PNLDC1: variants seen among roughly 807,000 people sequenced by gnomAD.
PNLDC1 encodes the protein PARN like ribonuclease domain containing exonuclease 1.
PNLDC1 carries 70 observed loss-of-function variants against 82.0 expected under a neutral mutation model. The ratio of observed to expected loss-of-function variants is 0.85; its 90% CI spans 0.70 to 1.04. The LOEUF is 1.04. PNLDC1 is among the 50% of genes least tolerant of loss of function. The probability of loss-of-function intolerance (pLI) is 0.00; values close to 1 mark genes in which losing one functional copy is unlikely to be tolerated. For missense variants in PNLDC1, 631 were observed against 661.1 expected, an observed-to-expected ratio of 0.95 and a Z score of 0.50; for synonymous variants, 280 against 249.3, an observed-to-expected ratio of 1.12 and a Z score of -1.16.
intron 15 of PNLDC1, 115 bp from the exon 16 acceptor site, chr6:159,818,439 AG>A: frequency 1.1e-6 from 1 of 880,606 alleles, no homozygotes; most frequent in South Asian, 1.5e-5. Flanking sequence ...GGCAGGAGGG[AG>A]GGAGAGCCGT....
rs763271767 is a variant in PNLDC1, at chr6:159,819,275, G to C, written c.1455G>C (p.Glu485Asp). ...GCAGTGCGCGGAACATCCTGAAGGAGTACCGGGACCACCCGACCCTGTGCA... is the reference window on the plus strand; with the variant it reads ...GCAGTGCGCGGAACATCCTGAAGGACTACCGGGACCACCCGACCCTGTGCA... ...KFKDARNILKEYRDHPTLCIS... is the reference protein window; with the variant it reads ...KFKDARNILKDYRDHPTLCIS... The change falls in exon 18 of 19, where the codon GAG becomes GAC. Residue 485 changes from glutamate to aspartate, a missense_variant. Transcript: ENST00000392167. This position sits in a 1 kb window ranked among gnomAD's most constrained non-coding sequence, Gnocchi z 4.6. The C allele has an allele frequency of 6.2e-7, 1 of 1,613,972 alleles. No homozygotes were observed.
Position 159,809,116 on chromosome 6 carries a change from G to T in PNLDC1, c.741G>T (p.Arg247Ser), listed in dbSNP as rs777438960. Residue 247 changes from arginine (R) to serine (S), a missense_variant, in exon 9 of 19, where the codon AGG becomes AGT. Coordinates refer to ENST00000392167, the MANE Select transcript of PNLDC1 (RefSeq NM_001271862.2). ...CWKENILLSA[R>S]GFSVFFQMLV... ...AGGAAAATATTCTTCTCTCAGCAAGGGGTTTTTCTGTCTTTTTCCAAATGC... is the reference window on the plus strand; with the variant it reads ...AGGAAAATATTCTTCTCTCAGCAAGTGGTTTTTCTGTCTTTTTCCAAATGC... The T allele has an allele frequency of 6.8e-6, 11 of 1,614,096 alleles. No homozygotes were observed. Among genetic ancestry groups the T allele is most frequent in the Non-Finnish European group, 9.3e-6 (11 of 1,180,016 alleles).
rs1781802229 is a variant in PNLDC1, at chr6:159,816,024, G to A, written c.1051G>A (p.Glu351Lys). 2 of 1,611,324 alleles carry A rather than the reference G, an allele frequency of 1.2e-6. No homozygotes were observed. Among genetic ancestry groups the A allele is most frequent in the African/African-American group, 1.3e-5 (1 of 74,264 alleles). ...AGAGATTGTTCACGCGAGCAGGTGT[G>A]AGAAATATGGTACGTTCCCATGAGC... ...GPEIVHASRCEKYVETKCPHE... is the reference protein window; with the variant it reads ...GPEIVHASRCKKYVETKCPHE... Residue 351 changes from glutamate to lysine, a missense_variant, in exon 13 of 19, where the codon GAG (glutamate) becomes AAG (lysine). Physicochemically the swap from Glu to Lys is moderately conservative, Grantham distance 56. Transcript: ENST00000392167.
rs982271872 is a variant in PNLDC1 at position 159,819,981 on chromosome 6, G to A, written c.1533-473G>A. ...TATAACCCGACTCAGGTTGTCTTCCGTGTTGGGGTAGACTGTGGAGGCGAG... is the reference window on the plus strand; with the variant it reads ...TATAACCCGACTCAGGTTGTCTTCCATGTTGGGGTAGACTGTGGAGGCGAG... On this transcript the variant is annotated intron_variant, in intron 18 of 18. Transcript: ENST00000392167. The surrounding 1 kb of genome is among the most constrained non-coding windows in gnomAD (Gnocchi z 4.6). 6.6e-6 allele frequency among the ~76,000 whole-genome samples: 1 copy of A among 152,182 alleles called. No homozygotes were observed. Among genetic ancestry groups the A allele is most frequent in the Non-Finnish European group, 1.5e-5 (1 of 68,026 alleles).
chr6:159,813,233 G>C (rs1781701007), intron 11 of PNLDC1, among the ~76,000 whole-genome samples: 1 of 152,162 alleles, frequency 6.6e-6, no homozygotes, highest in Non-Finnish European at 1.5e-5. Flanking sequence ...TTAGTAACCA[G>C]GCATTGCCCC....
chr6:159,807,823 G>GT, intron 7 of PNLDC1, among the ~76,000 whole-genome samples: 1 of 152,234 alleles, frequency 6.6e-6, no homozygotes, highest in East Asian at 1.9e-4. Flanking sequence ...GTTGAGTTTG[G>GT]TACAGTTTTA....
chr6:159,800,648 A>G lies in PNLDC1; in HGVS notation c.77-124A>G, dbSNP rs552658967. ...TTGGTTCCTCCATTTTCCCTTCCTG[A>G]CCTCACTTGGCTTCTTGAGCGCAGA... is the stretch of plus-strand genomic sequence containing the variant. On this transcript the variant is annotated intron_variant, in intron 1 of 18. Coordinates refer to ENST00000392167, the MANE Select transcript of PNLDC1 (RefSeq NM_001271862.2). 8.2e-6 allele frequency: 13 copies of G among 1,584,728 alleles called. 1 individual carries two copies. Among genetic ancestry groups the G allele is most frequent in the Non-Finnish European group, 1.1e-5 (13 of 1,163,342 alleles).
chr6:159,809,483 G>A (rs1426823509), intron 9 of PNLDC1, among the ~76,000 whole-genome samples: 2 of 147,298 alleles, frequency 1.4e-5, no homozygotes, highest in Admixed American at 6.8e-5. Context: ...TGGTAGAGAC[G>A]GGATCTCGCA....
chr6:159,811,329 A>AT (rs1232729456), intron 10 of PNLDC1, among the ~76,000 whole-genome samples: 3 of 151,702 alleles, frequency 2.0e-5, no homozygotes, highest in African/African-American at 4.8e-5. Flanking sequence ...ATAATTTTTG[A>AT]TTTTTTTTCT....
At chr6:159,813,881 G>GA (rs1463763107) in intron 12 of PNLDC1, among the ~76,000 whole-genome samples, 1 of 152,086 alleles carries the variant, frequency 6.6e-6, no homozygotes. Context: ...CTCAACCCCT[G>GA]CCCCTCAAAC....
At position 159,820,546 on chromosome 6, in the gene PNLDC1, C is replaced by T. The variant is rs202074017; in HGVS notation, c.*29C>T. ...CAGCGAGGCCTCCTGCGGCCACCCT[C>T]GGGTCCCCATGCTCTCTGGGAGGTG... On this transcript the variant is annotated 3_prime_UTR_variant, in exon 19 of 19. Coordinates refer to ENST00000392167, the MANE Select transcript of PNLDC1 (RefSeq NM_001271862.2). 409 of 1,608,490 alleles carry T rather than the reference C, an allele frequency of 2.5e-4. 1 individual carries two copies. The highest frequency in any genetic ancestry group is 2.6e-4 in the Non-Finnish European group (301 of 1,175,158).
intron 11 of PNLDC1, among the ~76,000 whole-genome samples, chr6:159,812,881 G>C (rs1006910338): frequency 6.6e-6 from 1 of 152,112 alleles, no homozygotes; most frequent in Admixed American, 6.6e-5. Context: ...AAATTACCTG[G>C]GCATGTTGGT....
intron 7 of PNLDC1, among the ~76,000 whole-genome samples, chr6:159,806,524 A>G (rs1185060182): frequency 1.3e-5 from 2 of 152,176 alleles, no homozygotes; most frequent in South Asian, 2.1e-4. Context: ...CGGTTTTCCA[A>G]GTATCCCTCA....
At position 159,816,699 on chromosome 6, in the gene PNLDC1, C is replaced by T. The variant is rs1173922335; in HGVS notation, c.1114+103C>T. 4 of 1,031,970 alleles carry T rather than the reference C, an allele frequency of 3.9e-6. No homozygotes were observed. The African/African-American group carries it at 6.3e-5, about 16-fold the overall frequency. 63.9% of individuals were successfully genotyped at this position (1,031,970 alleles called of 1,614,324 possible). A position where few individuals can be genotyped will look rare whatever the true frequency, so the allele number is the denominator to read the frequency against. ...CAGGCTAGAGTACAGTGGTGAGGAT[C>T]TCGGCTCACTGCAGCCTCTACCTCC... On this transcript the variant is annotated intron_variant, in intron 14 of 18. Coordinates refer to ENST00000392167, the MANE Select transcript of PNLDC1 (RefSeq NM_001271862.2).
In PNLDC1 at chr6:159,819,219, C is replaced by CT; in HGVS notation, c.1434-34dup. 6.2e-7 allele frequency: 1 copy of CT among 1,612,532 alleles called. No individual in the cohort carries two copies. ...GATCACAGCAGGCGGCGCCATCCTG[C>CT]TGCCTGGCTGACCACAGCAAACTTG... On this transcript the variant is annotated intron_variant, in intron 17 of 18. Transcript: ENST00000392167. The surrounding 1 kb of genome is among the most constrained non-coding windows in gnomAD (Gnocchi z 4.6).
chr6:159,806,043 G>T lies in PNLDC1; in HGVS notation c.522G>T (p.Leu174=). Residue 174 remains leucine (L), a synonymous_variant, in exon 7 of 19, where the codon CTG becomes CTT. Transcript: ENST00000392167. ...VIDEVTRWLE[L]AKEGDWMTLP... is the part of the protein sequence containing the mutation. ...ACGAAGTGACGCGGTGGCTGGAGCT[G>T]GCCAAGGAAGGCGACTGGATGACTC... 1.2e-6 allele frequency: 2 copies of T among 1,614,160 alleles called. No homozygotes were observed. Among genetic ancestry groups the T allele is most frequent in the Non-Finnish European group, 1.7e-6 (2 of 1,180,046 alleles).
chr6:159,810,045 T>C lies in PNLDC1; in HGVS notation c.803T>C (p.Met268Thr), dbSNP rs763884238. Residue 268 changes from methionine (M) to threonine (T), a missense_variant, in exon 10 of 19, where the codon ATG becomes ACG. Physicochemically the swap from Met to Thr is moderately conservative, Grantham distance 81. Transcript: ENST00000392167. Reference sequence around the variant, plus strand: ...AAGTAGCCCTTAGTGGGACATAATATGATGATGGACCTGCTGCACCTCCAT... The same window carrying C: ...AAGTAGCCCTTAGTGGGACATAATACGATGATGGACCTGCTGCACCTCCAT... Reference protein sequence around the residue: ...KAQKPLVGHNMMMDLLHLHEK... With the variant: ...KAQKPLVGHNTMMDLLHLHEK... The C allele has an allele frequency of 3.1e-6, 5 of 1,614,146 alleles. No homozygotes were observed. Among genetic ancestry groups the C allele is most frequent in the Middle Eastern group, 1.7e-4 (1 of 6,052 alleles).
At chr6:159,805,516 C>T (rs919485278) in intron 6 of PNLDC1, 5 of 153,002 alleles carry the variant, frequency 3.3e-5, no homozygotes, top group African/African-American at 9.7e-5. Flanking sequence ...GAATTTTTAA[C>T]CTTCTTTCAT....
intron 5 of PNLDC1, 103 bp from the exon 6 acceptor site, chr6:159,804,446 G>A (rs867762093): frequency 2.5e-6 from 2 of 797,198 alleles, no homozygotes; most frequent in South Asian, 3.4e-5. Flanking sequence ...GGCTTATACA[G>A]CCCGTCTCCT....
Sources: allele counts gnomAD v4.1 joint callset (sites outside exome capture counted in the v4.1 genomes callset), GRCh38; gene constraint gnomAD v4.1.1; non-coding constraint Gnocchi (gnomAD v3.1); transcripts MANE v1.5; gene names NCBI Gene and HGNC (gene_info 2026-07-23, HGNC 2026-07-21).